RAPGEF2: variants seen among roughly 807,000 people sequenced by gnomAD.
RAPGEF2 encodes PDZ domain containing guanine nucleotide exchange factor (GEF) 1.
RAPGEF2 carries 54 observed loss-of-function variants against 186.7 expected under a neutral mutation model. The ratio of observed to expected loss-of-function variants is 0.29; its 90% CI spans 0.23 to 0.36. RAPGEF2 has a LOEUF of 0.36. Ranked by LOEUF, RAPGEF2 falls within the 10% of genes least tolerant of loss-of-function variation. The probability of loss-of-function intolerance (pLI) is 1.00; values close to 1 mark genes in which losing one functional copy is unlikely to be tolerated. For missense variants in RAPGEF2, 1,532 were observed against 2,045.0 expected (o/e 0.75, Z 4.84); for synonymous variants, 712 against 705.9 (o/e 1.01, Z -0.14).
chr4:159,114,749 A>G (rs866940361), intron 1 of RAPGEF2, among the ~76,000 whole-genome samples: 7 of 152,232 alleles, frequency 4.6e-5, no homozygotes, highest in Non-Finnish European at 1.0e-4. Flanking sequence ...GTCAATCCCA[A>G]TGAAATTTAA....
At chr4:159,118,136 G>A (rs1348077560) in intron 1 of RAPGEF2, among the ~76,000 whole-genome samples, 2 of 152,214 alleles carry the variant, frequency 1.3e-5, no homozygotes, top group South Asian at 2.1e-4. Flanking sequence ...CAGGAAGTGA[G>A]TGGTAGGTGA....
chr4:159,245,597 G>A (rs1754537016), intron 7 of RAPGEF2, among the ~76,000 whole-genome samples: 1 of 152,032 alleles, frequency 6.6e-6, no homozygotes, highest in Non-Finnish European at 1.5e-5. Context: ...AGCCTTCTCT[G>A]TATTGATCAG....
At chr4:159,198,436 C>A (rs2111334759) in intron 3 of RAPGEF2, among the ~76,000 whole-genome samples, 1 of 137,274 alleles carries the variant, frequency 7.3e-6, no homozygotes, top group African/African-American at 2.8e-5. Flanking sequence ...CTCTCTCTTT[C>A]TTTCTTTCTT....
In RAPGEF2 at chr4:159,359,700, C is replaced by A. The variant is rs995876920; in HGVS notation, c.*1561C>A. ...TGTCAGTGCTTTATTTAATAATTCTCTTCTGTATCATGGCATTTGTCTACT... is the reference window on the plus strand; with the variant it reads ...TGTCAGTGCTTTATTTAATAATTCTATTCTGTATCATGGCATTTGTCTACT... On this transcript the variant is annotated 3_prime_UTR_variant, in exon 30 of 30. Transcript: ENST00000691494. The A allele has an allele frequency of 6.7e-6, 1 of 149,746 alleles. No individual in the cohort carries two copies. Among genetic ancestry groups the A allele is most frequent in the Non-Finnish European group, 1.5e-5 (1 of 67,810 alleles). 9.3% of individuals were successfully genotyped at this position (149,746 alleles called of 1,614,324 possible). A position where few individuals can be genotyped will look rare whatever the true frequency, so the allele number is the denominator to read the frequency against.
rs115204667 is a variant in RAPGEF2 at position 159,345,952 on chromosome 4, C to T, written c.3502+623C>T. 8.8e-3 allele frequency among the ~76,000 whole-genome samples: 1,338 copies of T among 151,688 alleles called. 12 individuals carry two copies. Among genetic ancestry groups the T allele is most frequent in the Non-Finnish European group, 0.015 (1,020 of 67,944 alleles). On this transcript the variant is annotated intron_variant, in intron 24 of 29. Transcript: ENST00000691494. ...TTATGGGCAGGTTTGAAGATGTCTT[C>T]TGTAGGATTTAATTTAGATAGGTGA...
rs1285441005 is a variant in RAPGEF2, at chr4:159,223,231, A to G, written c.281+12648A>G. Reference sequence around the variant, plus strand: ...TCTTACGGCGTTATAGGGGTTACATATTTTTGCTATTAAATAGAAAATAGA... The same window carrying G: ...TCTTACGGCGTTATAGGGGTTACATGTTTTTGCTATTAAATAGAAAATAGA... On this transcript the variant is annotated intron_variant, in intron 4 of 29. Transcript: ENST00000691494. Among the ~76,000 whole-genome samples the G allele has an allele frequency of 2.0e-5, 3 of 152,072 alleles. No homozygotes were observed. In the South Asian group the frequency reaches 6.2e-4, roughly 32 times the overall value.
At chr4:159,183,203 C>T (rs182282132) in intron 1 of RAPGEF2, among the ~76,000 whole-genome samples, 10 of 152,278 alleles carry the variant, frequency 6.6e-5, no homozygotes, top group East Asian at 3.9e-4. Context: ...CTCAAGACAG[C>T]GTGATACAGG....
intron 17 of RAPGEF2, 102 bp downstream of exon 17, chr4:159,332,799 T>A: frequency 7.4e-7 from 1 of 1,354,026 alleles, no homozygotes; most frequent in East Asian, 2.5e-5. Context: ...AAAACTGTTC[T>A]AGGTTTTTAT....
chr4:159,316,629 C>G (rs988217787), intron 9 of RAPGEF2, among the ~76,000 whole-genome samples: 1 of 152,174 alleles, frequency 6.6e-6, no homozygotes, highest in African/African-American at 2.4e-5. Context: ...CCATCCATGT[C>G]CCTGCAAAGG....
intron 1 of RAPGEF2, among the ~76,000 whole-genome samples, chr4:159,125,554 T>C (rs958866633): frequency 2.6e-5 from 4 of 151,962 alleles, no homozygotes; most frequent in African/African-American, 7.3e-5. Context: ...GTCAGGAGAT[T>C]GAGACCATCC....
rs1731375348 is a variant in RAPGEF2 at position 159,352,743 on chromosome 4, A to C, written c.3924A>C (p.Glu1308Asp). 1 of 1,614,196 alleles carries C rather than the reference A, an allele frequency of 6.2e-7. No homozygotes were observed. The highest frequency in any genetic ancestry group is 8.5e-7 in the Non-Finnish European group (1 of 1,180,022). Reference sequence around the variant, plus strand: ...ATTTTTCAGATTCTGGTCACAGTGAAATTTCTTCACGATCCAGTATTGTTA... The same window carrying C: ...ATTTTTCAGATTCTGGTCACAGTGACATTTCTTCACGATCCAGTATTGTTA... ...VDNFSDSGHS[E>D]ISSRSSIVSN... is the part of the protein sequence containing the mutation. Residue 1308 changes from glutamate to aspartate, a missense_variant, in exon 27 of 30, where the codon GAA (glutamate) becomes GAC (aspartate). Physicochemically the swap from Glu to Asp is conservative, Grantham distance 45 (BLOSUM62 2). This residue lies in a region of RAPGEF2 where 594 missense variants were observed against 608.5 expected (regional missense o/e 0.98). Transcript: ENST00000691494.
rs964919356 is a variant in RAPGEF2, at chr4:159,104,070, GGCGCAGC to G, written c.-86_-80del. ...CTGATTAGTCGCGGGCGGGCGGGCGGGCGCAGCGCGCAGGGCGGAGGCAGCAGCGGCG... is the reference window on the plus strand; with the variant it reads ...CTGATTAGTCGCGGGCGGGCGGGCGGGCGCAGGGCGGAGGCAGCAGCGGCG... On this transcript the variant is annotated 5_prime_UTR_variant, in exon 1 of 30. Coordinates refer to ENST00000691494, the MANE Select transcript of RAPGEF2 (RefSeq NM_001394067.2). 1.2e-4 allele frequency: 83 copies of G among 712,222 alleles called. No individual in the cohort carries two copies. The highest frequency in any genetic ancestry group is 9.6e-4 in the African/African-American group (50 of 52,326). 44.1% of individuals were successfully genotyped at this position (712,222 alleles called of 1,614,324 possible).
intron 4 of RAPGEF2, among the ~76,000 whole-genome samples, chr4:159,228,620 A>C (rs1170628470): frequency 6.6e-6 from 1 of 152,190 alleles, no homozygotes; most frequent in Non-Finnish European, 1.5e-5. Flanking sequence ...TGAGCCTTGA[A>C]GGAAATTTAG....
At chr4:159,330,295 G>GTGTA (rs1554038040) in intron 12 of RAPGEF2, 39 bp from the exon 13 acceptor site, 148 of 924,164 alleles carry the variant, frequency 1.6e-4, no homozygotes, top group East Asian at 2.9e-4. Flanking sequence ...GTGTGTGTGT[G>GTGTA]TATATATATG....
At chr4:159,203,067 C>T (rs1012758325) in intron 3 of RAPGEF2, among the ~76,000 whole-genome samples, 2 of 152,104 alleles carry the variant, frequency 1.3e-5, no homozygotes, top group Non-Finnish European at 2.9e-5. Context: ...TCTTTCAGTT[C>T]CCTTGTCAAC....
At chr4:159,168,699 A>T (rs1745589199) in intron 1 of RAPGEF2, among the ~76,000 whole-genome samples, 1 of 152,220 alleles carries the variant, frequency 6.6e-6, no homozygotes, top group Admixed American at 6.5e-5. Context: ...ACCTGATGAT[A>T]CATGTAGGAT....
chr4:159,120,220 A>T (rs774648337), intron 1 of RAPGEF2, among the ~76,000 whole-genome samples: 5 of 152,160 alleles, frequency 3.3e-5, no homozygotes, highest in Non-Finnish European at 7.3e-5. Context: ...GGGTTTCGCC[A>T]TGTTGGCCAG....
intron 5 of RAPGEF2, among the ~76,000 whole-genome samples, chr4:159,239,661 A>G (rs1753721523): frequency 6.6e-6 from 1 of 152,212 alleles, no homozygotes; most frequent in African/African-American, 2.4e-5. Context: ...ATTTTAAGAT[A>G]GGATAATATG....
At chr4:159,251,355 G>T (rs554810337) in intron 7 of RAPGEF2, among the ~76,000 whole-genome samples, 1 of 152,260 alleles carries the variant, frequency 6.6e-6, no homozygotes, top group Non-Finnish European at 1.5e-5. Context: ...CGTCCCAGGC[G>T]TGGGATCCAC....
Sources: gnomAD v4.1 joint callset for allele counts (sites outside exome capture counted in the v4.1 genomes callset) on GRCh38, gnomAD v4.1.1 for gene constraint, gnomAD v4.1.1 regional missense constraint, MANE v1.5 for transcripts, NCBI Gene and HGNC (gene_info 2026-07-23, HGNC 2026-07-21) for gene names.